The following TCHP variants were observed in gnomAD, a reference collection of about 807,000 sequenced individuals.
TCHP encodes trichoplein keratin filament-binding protein.
Under a neutral mutation model 88.7 loss-of-function variants are expected in TCHP, and 81 were observed. The observed-to-expected ratio is 0.91, with a 90% CI of 0.76 to 1.10. The LOEUF is 1.10. Among genes scored for constraint, TCHP ranks in the 50% least tolerant of loss-of-function variants. The probability of loss-of-function intolerance (pLI) is 0.00; values close to 1 mark genes in which losing one functional copy is unlikely to be tolerated. For synonymous variants in TCHP, 232 were observed against 232.5 expected (o/e 1.00, Z 0.02); for missense variants, 641 against 632.1 (o/e 1.01, Z -0.15).
intron 10 of TCHP, among the ~76,000 whole-genome samples, chr12:109,913,951 CTG>C (rs1870651491): frequency 6.6e-6 from 1 of 152,192 alleles, no homozygotes; most frequent in African/African-American, 2.4e-5. Context: ...CTGCTCCTGA[CTG>C]TGGCCTGGGC....
Position 109,904,082 on chromosome 12 carries a change from C to CAGGA in TCHP, c.336_339dup (p.Arg114GlyfsTer24). The stretch of plus-strand genomic sequence containing the variant: ...GGAGCTGAGGCTGAGCATGAACTTG[C>CAGGA]AGGAAAGAAGAATCCGGGAGCAGCA... On this transcript the variant is annotated frameshift_variant, in exon 3 of 13. Transcript: ENST00000405876. LOFTEE classifies it high-confidence loss of function. 1 of 1,599,766 alleles carries CAGGA rather than the reference C, an allele frequency of 6.3e-7. No homozygotes were observed.
the TCHP span, among the ~76,000 whole-genome samples, chr12:109,894,462 CAA>C: frequency 3.7e-5 from 4 of 107,788 alleles, no homozygotes; most frequent in East Asian, 3.0e-4. Context: ...GACTCCGTCT[CAA>C]AAAAAAAAAA....
the TCHP span, among the ~76,000 whole-genome samples, chr12:109,884,195 T>C: frequency 6.6e-6 from 1 of 152,094 alleles, no homozygotes; most frequent in African/African-American, 2.4e-5. Context: ...ATCTTTTTTT[T>C]TTCTTTTTTT....
Position 109,903,701 on chromosome 12 carries a change from T to G in TCHP, c.189-236T>G, listed in dbSNP as rs1869948717. Among the ~76,000 whole-genome samples the G allele has an allele frequency of 6.6e-6, 1 of 152,212 alleles. No individual in the cohort carries two copies. Among genetic ancestry groups the G allele is most frequent in the African/African-American group, 2.4e-5 (1 of 41,446 alleles). On this transcript the variant is annotated intron_variant, in intron 2 of 12. Coordinates refer to ENST00000405876, the MANE Select transcript of TCHP (RefSeq NM_001143852.2). This position sits in a 1 kb window ranked among gnomAD's most constrained non-coding sequence, Gnocchi z 4.6. ...GCTACAGCAGACCTATGCTGTAGGA[T>G]TTATGTGATGGATAATATATACATT... is the stretch of plus-strand genomic sequence containing the variant.
chr12:109,914,749 T>A, intron 11 of TCHP, 122 bp downstream of exon 11: 1 of 745,286 alleles, frequency 1.3e-6, no homozygotes, highest in Non-Finnish European at 2.2e-6. Context: ...AGCACGGTGC[T>A]CCCGTTTCCA....
intron 1 of TCHP, chr12:109,901,199 A>G (rs1869769919): frequency 6.6e-6 from 1 of 152,264 alleles, no homozygotes; most frequent in African/African-American, 2.4e-5. Flanking sequence ...TCTCAGACGG[A>G]CATGAATTAG....
the TCHP span, among the ~76,000 whole-genome samples, chr12:109,890,491 C>A: frequency 6.6e-6 from 1 of 151,422 alleles, no homozygotes; most frequent in African/African-American, 2.4e-5. Flanking sequence ...AGAGAGCAAG[C>A]CAACCTTTTT....
At chr12:109,881,038 C>T in the TCHP span, among the ~76,000 whole-genome samples, 1 of 152,210 alleles carries the variant, frequency 6.6e-6, no homozygotes, top group Admixed American at 6.5e-5. Flanking sequence ...CACAGTCTAA[C>T]TCAGCCACTG....
chr12:109,906,701 T>C, intron 5 of TCHP, 61 bp downstream of exon 5: 1 of 1,425,092 alleles, frequency 7.0e-7, no homozygotes, highest in Non-Finnish European at 9.8e-7. Context: ...TTCACGTCTT[T>C]GCATTCGTTT....
chr12:109,901,727 T>G (rs929836334), intron 1 of TCHP, among the ~76,000 whole-genome samples: 1 of 152,238 alleles, frequency 6.6e-6, no homozygotes, highest in Non-Finnish European at 1.5e-5. Context: ...TCTTTGTCCT[T>G]TTAATTTTTG....
intron 12 of TCHP, 104 bp from the exon 13 acceptor site, chr12:109,916,487 A>G: frequency 5.0e-6 from 6 of 1,204,124 alleles, no homozygotes. Context: ...GAAATGAAAC[A>G]GCCATTTATA....
rs200993715 is a variant in TCHP, at chr12:109,903,046, C to G, written c.20C>G (p.Pro7Arg). The G allele has an allele frequency of 2.5e-6, 4 of 1,608,228 alleles. No individual in the cohort carries two copies. The highest frequency in any genetic ancestry group is 2.2e-5 in the South Asian group (2 of 90,568). MALPTL[P>R]SYWCSQQRLN... ...TCTCAGATGGCGCTCCCGACGCTGC[C>G]GTCCTACTGGTGCAGCCAGCAGCGC... The change falls in exon 2 of 13, where the codon CCG (proline) becomes CGG (arginine). Residue 7 changes from proline (P) to arginine (R), a missense_variant. Transcript: ENST00000405876. This position sits in a 1 kb window ranked among gnomAD's most constrained non-coding sequence, Gnocchi z 4.6.
At chr12:109,914,732 G>A (rs1476742302) in intron 11 of TCHP, 105 bp downstream of exon 11, 21 of 922,720 alleles carry the variant, frequency 2.3e-5, no homozygotes, top group Non-Finnish European at 3.1e-5. Context: ...GCTTGCGCAC[G>A]TTTGAGAGCA....
Position 109,906,637 on chromosome 12 carries a change from A to AG in TCHP, c.522_523insG (p.Gln175AlafsTer14). 1 of 1,607,154 alleles carries AG rather than the reference A, an allele frequency of 6.2e-7. No individual in the cohort carries two copies. The highest frequency in any genetic ancestry group is 8.5e-7 in the Non-Finnish European group (1 of 1,179,714). On this transcript the variant is annotated frameshift_variant, in exon 5 of 13. Transcript: ENST00000405876. LOFTEE classifies it high-confidence loss of function. ...GGGAAATGCAGAAAGAAGAAAAAAA[A>AG]CAGGTGTGGTATGTGGCTCTGGGAA...
In TCHP at chr12:109,903,631, T is replaced by G. The variant is rs1467317351; in HGVS notation, c.189-306T>G. On this transcript the variant is annotated intron_variant, in intron 2 of 12. Transcript: ENST00000405876. The surrounding 1 kb of genome is among the most constrained non-coding windows in gnomAD (Gnocchi z 4.6). ...CCTAGATGGAAATCCTGACCGTGTC[T>G]CTTGCTGAATGTATGAGCTTTGGTT... Among the ~76,000 whole-genome samples, 3 of 152,242 alleles carry G rather than the reference T, an allele frequency of 2.0e-5. No homozygotes were observed. The highest frequency in any genetic ancestry group is 7.2e-5 in the African/African-American group (3 of 41,460).
At chr12:109,911,009 A>G in intron 8 of TCHP, 54 bp from the exon 9 acceptor site, 1 of 1,451,638 alleles carries the variant, frequency 6.9e-7, no homozygotes. Flanking sequence ...GTAGGCTCTC[A>G]TTGCAGAAGG....
upstream of TCHP, among the ~76,000 whole-genome samples, chr12:109,898,729 G>T (rs1869633190): frequency 6.6e-6 from 1 of 152,218 alleles, no homozygotes; most frequent in East Asian, 1.9e-4. Context: ...CTGAGCTCAA[G>T]TGATCCTCCC....
In TCHP at chr12:109,911,082, T is replaced by C. The variant is rs1203152098; in HGVS notation, c.899T>C (p.Leu300Pro). 2.4e-5 allele frequency: 38 copies of C among 1,592,266 alleles called. No homozygotes were observed. The highest frequency in any genetic ancestry group is 3.2e-5 in the Non-Finnish European group (37 of 1,170,166). The change falls in exon 9 of 13, where the codon CTG (leucine) becomes CCG (proline). Residue 300 changes from leucine (L) to proline (P), a missense_variant. Transcript: ENST00000405876. ...QEELEADRRI[L>P]QALLEKEDES... ...CTCTAGGAGGCAGACAGGCGGATCC[T>C]GCAGGCCCTCCTCGAGAAGGAGGAC...
intron 8 of TCHP, among the ~76,000 whole-genome samples, chr12:109,909,895 G>T (rs1275941885): frequency 2.6e-5 from 4 of 152,200 alleles, no homozygotes; most frequent in African/African-American, 7.2e-5. Flanking sequence ...AACCTGGTAG[G>T]TGGAGGTTGC....
Sources: gnomAD v4.1 joint callset for allele counts (sites outside exome capture counted in the v4.1 genomes callset) on GRCh38, gnomAD v4.1.1 for gene constraint, Gnocchi (gnomAD v3.1) non-coding constraint, MANE v1.5 for transcripts, NCBI Gene and HGNC (gene_info 2026-07-23, HGNC 2026-07-21) for gene names.